Variants in CDH23 observed in about 807,000 individuals in gnomAD.
CDH23 encodes cadherin-23.
Under a neutral mutation model 317.1 loss-of-function variants are expected in CDH23, and 189 were observed. The observed-to-expected ratio is 0.60, with a 90% CI of 0.53 to 0.67. The LOEUF (loss-of-function observed/expected upper bound fraction) is 0.67, where lower values mean the gene tolerates loss of function less well. Ranked by LOEUF, CDH23 falls within the 30% of genes least tolerant of loss-of-function variation. The pLI is 0.00. For synonymous variants in CDH23, 1,839 were observed against 1,876.8 expected (o/e 0.98, Z 0.52); for missense variants, 4,401 against 4,592.4 (o/e 0.96, Z 1.20).
At chr10:71,457,683 C>G (rs1850763822) in intron 3 of CDH23, among the ~76,000 whole-genome samples, 1 of 152,234 alleles carries the variant, frequency 6.6e-6, no homozygotes, top group Non-Finnish European at 1.5e-5. Flanking sequence ...CCTGGCATTG[C>G]CCCTATGCAA....
chr10:71,593,449 T>A (rs1449486907), intron 9 of CDH23, among the ~76,000 whole-genome samples: 1 of 152,336 alleles, frequency 6.6e-6, no homozygotes, highest in South Asian at 2.1e-4. Flanking sequence ...CCGGAGCACA[T>A]GCCATAGAAG....
intron 19 of CDH23, among the ~76,000 whole-genome samples, chr10:71,688,221 C>G (rs1217659713): frequency 2.6e-5 from 4 of 152,240 alleles, no homozygotes; most frequent in African/African-American, 9.6e-5. Context: ...GCTCCACACT[C>G]AGGTTCCAGG....
At chr10:71,542,267 C>T (rs191559760) in intron 6 of CDH23, among the ~76,000 whole-genome samples, 48 of 152,326 alleles carry the variant, frequency 3.2e-4, no homozygotes, top group African/African-American at 1.1e-3. Flanking sequence ...CAGCTCTGCT[C>T]GCTCCATGTG....
At chr10:71,424,378 C>A (rs377730136) in intron 1 of CDH23, among the ~76,000 whole-genome samples, 1 of 152,204 alleles carries the variant, frequency 6.6e-6, no homozygotes, top group Non-Finnish European at 1.5e-5. Context: ...TATTAACACG[C>A]GTAAAAACAA....
At chr10:71,796,000 C>T in intron 48 of CDH23, 4 of 986,264 alleles carry the variant, frequency 4.1e-6, no homozygotes, top group Non-Finnish European at 4.8e-6. Context: ...CCGCCCTCTC[C>T]CCATCCTCGC....
At chr10:71,532,731 T>TG (rs1855467426) in intron 6 of CDH23, among the ~76,000 whole-genome samples, 14 of 61,984 alleles carry the variant, frequency 2.3e-4, no homozygotes, top group African/African-American at 9.8e-4. Context: ...TTTTTTGTTT[T>TG]TTTTTTTTTT....
intron 3 of CDH23, among the ~76,000 whole-genome samples, chr10:71,450,574 C>G (rs1430550493): frequency 6.6e-6 from 1 of 152,170 alleles, no homozygotes; most frequent in Non-Finnish European, 1.5e-5. Flanking sequence ...TGCCCTGAAT[C>G]TACTTGAAAT....
At chr10:71,715,910 G>A in intron 28 of CDH23, 1 of 1,446,392 alleles carries the variant, frequency 6.9e-7, no homozygotes, top group Admixed American at 2.9e-5. Flanking sequence ...CTAGGGGGAT[G>A]TGGGGGCATG....
chr10:71,715,990 C>A (rs754712347), intron 28 of CDH23: 16 of 1,495,528 alleles, frequency 1.1e-5, no homozygotes, highest in Non-Finnish European at 1.3e-5. Flanking sequence ...CCTCGGGGCC[C>A]GGCAGGGGCT....
At chr10:71,552,728 C>T (rs768867199) in intron 6 of CDH23, among the ~76,000 whole-genome samples, 10 of 152,082 alleles carry the variant, frequency 6.6e-5, no homozygotes, top group African/African-American at 9.7e-5. Context: ...GGACAAGGAC[C>T]GGAAAGCCAA....
Position 71,694,138 on chromosome 10 carries a change from C to A in CDH23, c.2177-9C>A, listed in dbSNP as rs1457340984. The A allele has an allele frequency of 3.1e-6, 5 of 1,612,000 alleles. No homozygotes were observed. The highest frequency in any genetic ancestry group is 4.2e-6 in the Non-Finnish European group (5 of 1,178,200). The stretch of plus-strand genomic sequence containing the variant: ...AACCCTCTCACGCACCCACTTCTCT[C>A]TCTGGCAGGGGAAATCACCACCACG... On this transcript the variant is annotated splice_polypyrimidine_tract_variant and intron_variant, in intron 20 of 69. Transcript: ENST00000224721.
chr10:71,734,876 G>A lies in CDH23; in HGVS notation c.4209+218G>A, dbSNP rs558278814. Among the ~76,000 whole-genome samples the A allele has an allele frequency of 5.3e-5, 8 of 152,368 alleles. No homozygotes were observed. In the East Asian group the frequency reaches 1.5e-3, roughly 29 times the overall value. On this transcript the variant is annotated intron_variant, in intron 34 of 69. Coordinates refer to ENST00000224721, the MANE Select transcript of CDH23 (RefSeq NM_022124.6). The stretch of plus-strand genomic sequence containing the variant: ...AACTCTGTCCTCTGTGTCTTGCCTA[G>A]CCCCGGTAGGGTCTTGGGTGGGGAG...
chr10:71,646,677 C>T (rs761073453), intron 14 of CDH23, 60 bp downstream of exon 14: 1 of 1,613,836 alleles, frequency 6.2e-7, no homozygotes, highest in East Asian at 2.2e-5. Flanking sequence ...TGGTGAGGCA[C>T]CCAGAGGGAT....
chr10:71,517,414 C>T (rs866536791), intron 6 of CDH23, among the ~76,000 whole-genome samples: 6 of 152,332 alleles, frequency 3.9e-5, no homozygotes, highest in Middle Eastern at 3.4e-3. Flanking sequence ...GGGTCCAGAG[C>T]GTGCAGAGGT....
intron 7 of CDH23, 114 bp downstream of exon 7, chr10:71,567,050 T>G: frequency 1.0e-6 from 1 of 954,382 alleles, no homozygotes; most frequent in Non-Finnish European, 1.6e-6. Flanking sequence ...CGATGATCTA[T>G]AATAATTATA....
chr10:71,705,026 C>T lies in CDH23; in HGVS notation c.2849C>T (p.Thr950Ile). The T allele has an allele frequency of 6.2e-7, 1 of 1,612,794 alleles. No individual in the cohort carries two copies. Among genetic ancestry groups the T allele is most frequent in the African/African-American group, 1.3e-5 (1 of 75,056 alleles). ...INSSSGVVVT[T>I]TELDRERIAE... Reference sequence around the variant, plus strand: ...AGCAGCAGCGGCGTGGTGGTCACCACCACCGAGCTGGACCGCGAGCGCATC... The same window carrying T: ...AGCAGCAGCGGCGTGGTGGTCACCATCACCGAGCTGGACCGCGAGCGCATC... The change falls in exon 25 of 70, where the codon ACC (threonine) becomes ATC (isoleucine). Residue 950 changes from threonine (T) to isoleucine (I), a missense_variant. Physicochemically the swap from Thr to Ile is moderately conservative, Grantham distance 89. Coordinates refer to ENST00000224721, the MANE Select transcript of CDH23 (RefSeq NM_022124.6).
intron 6 of CDH23, among the ~76,000 whole-genome samples, chr10:71,513,236 T>G (rs1589152252): frequency 6.6e-6 from 1 of 152,064 alleles, no homozygotes; most frequent in South Asian, 2.1e-4. Flanking sequence ...GTGTGGCCAG[T>G]GGGGATGTGG....
At chr10:71,455,271 A>G (rs1200514054) in intron 3 of CDH23, among the ~76,000 whole-genome samples, 1 of 152,220 alleles carries the variant, frequency 6.6e-6, no homozygotes, top group South Asian at 2.1e-4. Flanking sequence ...TAACCATGAT[A>G]CAATTATGGA....
intron 1 of CDH23, among the ~76,000 whole-genome samples, chr10:71,406,094 CAGCCTTGACCTCCTGGG>C (rs1848086244): frequency 1.3e-5 from 2 of 151,088 alleles, no homozygotes; most frequent in African/African-American, 4.9e-5. Context: ...CAGTTCATTG[CAGCCTTGACCTCCTGGG>C]CTCAAGTGAT....
Sources: gnomAD v4.1 joint callset for allele counts (sites outside exome capture counted in the v4.1 genomes callset) on GRCh38, gnomAD v4.1.1 for gene constraint, MANE v1.5 for transcripts, NCBI Gene and HGNC (gene_info 2026-07-23, HGNC 2026-07-21) for gene names.